The following KSR2 variants were observed in gnomAD, a reference collection of about 807,000 sequenced individuals.
The protein encoded by KSR2 is kinase suppressor of ras 2.
In KSR2, 25 loss-of-function variants were observed where a neutral mutation model predicts 107.8. The ratio of observed to expected loss-of-function variants is 0.23; its 90% CI spans 0.17 to 0.32. KSR2 has a LOEUF of 0.32. Among genes scored for constraint, KSR2 ranks in the 10% least tolerant of loss-of-function variants. The pLI is 1.00. For synonymous variants in KSR2, 480 were observed against 507.0 expected, an observed-to-expected ratio of 0.95 and a Z score of 0.71; for missense variants, 887 against 1,268.9, an observed-to-expected ratio of 0.70 and a Z score of 4.57.
intron 3 of KSR2, among the ~76,000 whole-genome samples, chr12:117,781,071 T>C (rs1204847496): frequency 6.6e-6 from 1 of 152,198 alleles, no homozygotes; most frequent in Non-Finnish European, 1.5e-5. Context: ...GGGCAAGTAT[T>C]TCCCATACTG....
intron 9 of KSR2, 68 bp downstream of exon 9, chr12:117,555,101 C>T: frequency 6.2e-7 from 1 of 1,601,298 alleles, no homozygotes; most frequent in Middle Eastern, 2.0e-4. Context: ...TCAACCCTTC[C>T]TCCCTCCTAC....
rs1593405813 is a variant in KSR2, at chr12:117,958,760, G to A, written c.180+9316C>T. 4.6e-5 allele frequency among the ~76,000 whole-genome samples: 7 copies of A among 152,320 alleles called. No homozygotes were observed. In the South Asian group the frequency reaches 1.5e-3, roughly 32 times the overall value. On this transcript the variant is annotated intron_variant, in intron 1 of 19. Coordinates refer to ENST00000339824, the MANE Select transcript of KSR2 (RefSeq NM_173598.6). ...TGCTTGAACCTGGGAGACAGAGGTTGTAGTGAGCGGAGATCACGCCACTGC... is the reference window on the plus strand; with the variant it reads ...TGCTTGAACCTGGGAGACAGAGGTTATAGTGAGCGGAGATCACGCCACTGC...
At chr12:117,574,635 A>G (rs549822047) in intron 7 of KSR2, among the ~76,000 whole-genome samples, 1 of 152,274 alleles carries the variant, frequency 6.6e-6, no homozygotes, top group African/African-American at 2.4e-5. Flanking sequence ...CCCTCCCACA[A>G]CACGTGGGAA....
chr12:117,721,892 A>G, intron 4 of KSR2, among the ~76,000 whole-genome samples: 1 of 152,168 alleles, frequency 6.6e-6, no homozygotes, highest in East Asian at 1.9e-4. Context: ...TATTAGTTAG[A>G]CCAGCAATGT....
intron 5 of KSR2, among the ~76,000 whole-genome samples, chr12:117,654,785 A>G (rs1565945941): frequency 2.6e-5 from 4 of 152,236 alleles, no homozygotes; most frequent in African/African-American, 9.6e-5. Context: ...GTGCTCACCA[A>G]CGGGTGACCT....
Position 117,939,445 on chromosome 12 carries a change from G to C in KSR2, c.180+28631C>G, listed in dbSNP as rs571395569. 7.2e-5 allele frequency among the ~76,000 whole-genome samples: 11 copies of C among 152,248 alleles called. No individual in the cohort carries two copies. The South Asian group carries it at 1.5e-3, about 20-fold the overall frequency. ...AAACGTGGCTGGGTCGGGTGCGGTG[G>C]CTCATGCCTGTAATCCCAGCACTTT... On this transcript the variant is annotated intron_variant, in intron 1 of 19. Coordinates refer to ENST00000339824, the MANE Select transcript of KSR2 (RefSeq NM_173598.6).
intron 5 of KSR2, among the ~76,000 whole-genome samples, chr12:117,638,430 T>A (rs1883206230): frequency 6.6e-6 from 1 of 151,450 alleles, no homozygotes; most frequent in Non-Finnish European, 1.5e-5. Context: ...CACTGTGGGG[T>A]GCCACACAGT....
intron 4 of KSR2, among the ~76,000 whole-genome samples, chr12:117,738,059 C>T (rs2136764455): frequency 6.6e-6 from 1 of 152,268 alleles, no homozygotes; most frequent in African/African-American, 2.4e-5. Context: ...CAGTTAAAAC[C>T]CACGTTGTTA....
chr12:117,467,101 A>G lies in KSR2; in HGVS notation c.*98T>C. The stretch of plus-strand genomic sequence containing the variant: ...GGTCGGTCGGGGTTGGTACCCTCTG[A>G]TGCTGAGTCTCTGGCCTCCTGAGCT... On this transcript the variant is annotated 3_prime_UTR_variant, in exon 20 of 20. Transcript: ENST00000339824. 2 of 552,400 alleles carry G rather than the reference A, an allele frequency of 3.6e-6. No homozygotes were observed. Among genetic ancestry groups the G allele is most frequent in the Non-Finnish European group, 6.6e-6 (2 of 304,224 alleles). The allele number at this position is 552,400 out of a possible 1,614,324, so 34.2% of individuals were successfully genotyped here.
At chr12:117,551,312 G>C (rs1248629044) in intron 9 of KSR2, among the ~76,000 whole-genome samples, 2 of 149,304 alleles carry the variant, frequency 1.3e-5, no homozygotes, top group Non-Finnish European at 1.5e-5. Context: ...TATTCCTCCT[G>C]CCTCTTCCTT....
intron 3 of KSR2, among the ~76,000 whole-genome samples, chr12:117,838,030 G>A (rs1432149959): frequency 6.6e-6 from 1 of 152,194 alleles, no homozygotes; most frequent in Non-Finnish European, 1.5e-5. Context: ...CTATATAGGA[G>A]TGACCTTCAG....
At chr12:117,698,347 G>A (rs1250214022) in intron 4 of KSR2, among the ~76,000 whole-genome samples, 2 of 151,262 alleles carry the variant, frequency 1.3e-5, no homozygotes, top group African/African-American at 4.9e-5. Context: ...CTTTGAGATA[G>A]GATCTCACTA....
intron 3 of KSR2, among the ~76,000 whole-genome samples, chr12:117,806,580 G>A (rs921595546): frequency 6.6e-6 from 1 of 152,142 alleles, no homozygotes; most frequent in African/African-American, 2.4e-5. Context: ...AGTCAACAAT[G>A]TGGTGCAACC....
chr12:117,637,688 T>TTTTG (rs1883177179), intron 5 of KSR2, among the ~76,000 whole-genome samples: 1 of 136,290 alleles, frequency 7.3e-6, no homozygotes, highest in Non-Finnish European at 1.6e-5. Context: ...TTTTTTTTTT[T>TTTTG]TTTTTTTTTT....
chr12:117,916,137 T>TC (rs1388350400), intron 1 of KSR2, among the ~76,000 whole-genome samples: 1 of 138,978 alleles, frequency 7.2e-6, no homozygotes, highest in African/African-American at 2.8e-5. Flanking sequence ...TTCTTCTTCT[T>TC]TTTTTTTTTT....
In KSR2 at chr12:117,454,868, G is replaced by C. The variant is rs1870519740; in HGVS notation, c.*12331C>G. ...GATAGAGGGAAAGTGAAGCAAAAGAGGAACAGGAATGAAAAATGCATTAGA... is the reference window on the plus strand; with the variant it reads ...GATAGAGGGAAAGTGAAGCAAAAGACGAACAGGAATGAAAAATGCATTAGA... On this transcript the variant is annotated 3_prime_UTR_variant, in exon 20 of 20. Coordinates refer to ENST00000339824, the MANE Select transcript of KSR2 (RefSeq NM_173598.6). The C allele has an allele frequency of 8.5e-6, 1 of 117,736 alleles. No individual in the cohort carries two copies. The highest frequency in any genetic ancestry group is 1.8e-5 in the Non-Finnish European group (1 of 55,114). The allele number at this position is 117,736 out of a possible 1,614,324, so 7.3% of individuals were successfully genotyped here.
At chr12:117,809,455 T>A (rs1192098466) in intron 3 of KSR2, among the ~76,000 whole-genome samples, 1 of 152,140 alleles carries the variant, frequency 6.6e-6, no homozygotes, top group Non-Finnish European at 1.5e-5. Flanking sequence ...CTGCCAAATG[T>A]CCACGGGAGC....
At chr12:117,731,423 CA>C (rs1458472725) in intron 4 of KSR2, among the ~76,000 whole-genome samples, 1 of 130,960 alleles carries the variant, frequency 7.6e-6, no homozygotes, top group African/African-American at 3.1e-5. Context: ...AGGTGGGGGG[CA>C]GCCCCCGCCC....
At chr12:117,542,580 A>C (rs1876582115) in intron 9 of KSR2, among the ~76,000 whole-genome samples, 1 of 151,884 alleles carries the variant, frequency 6.6e-6, no homozygotes, top group Admixed American at 6.6e-5. Flanking sequence ...TTCTCTCCTC[A>C]CCATCCTCCC....
Sources: allele counts gnomAD v4.1 joint callset (sites outside exome capture counted in the v4.1 genomes callset), GRCh38; gene constraint gnomAD v4.1.1; transcripts MANE v1.5; gene names NCBI Gene and HGNC (gene_info 2026-07-23, HGNC 2026-07-21).